The following HSD11B1 variants were observed in gnomAD, a reference collection of about 807,000 sequenced individuals.
HSD11B1 encodes hydroxysteroid 11-beta dehydrogenase 1.
In HSD11B1, 15 loss-of-function variants were observed where a neutral mutation model predicts 22.1. That is an observed-to-expected ratio of 0.68 (90% CI 0.45 to 1.04). HSD11B1 has a LOEUF of 1.04. Ranked by LOEUF, HSD11B1 falls within the 50% of genes least tolerant of loss-of-function variation. The pLI is 0.00. For synonymous variants in HSD11B1, 122 were observed against 125.2 expected, an observed-to-expected ratio of 0.97 and a Z score of 0.17; for missense variants, 281 against 357.6, an observed-to-expected ratio of 0.79 and a Z score of 1.73.
At chr1:209,705,966 T>C (rs1466649560) in intron 2 of HSD11B1, 25 bp downstream of exon 2, 8 of 1,613,426 alleles carry the variant, frequency 5.0e-6, no homozygotes, top group East Asian at 2.2e-5. Context: ...CTCGCAGATA[T>C]GTGTACCGTC....
At chr1:209,701,811 C>T (rs1220124385), upstream of HSD11B1, among the ~76,000 whole-genome samples, 1 of 152,172 alleles carries the variant, frequency 6.6e-6, no homozygotes, top group East Asian at 1.9e-4. Context: ...TATCAGTCTC[C>T]CCAGATCTGG....
intron 4 of HSD11B1, among the ~76,000 whole-genome samples, chr1:209,721,477 A>AAAG (rs1553291177): frequency 1.3e-5 from 2 of 151,518 alleles, no homozygotes; most frequent in South Asian, 4.2e-4. Flanking sequence ...AGCAAAAAAA[A>AAAG]AAAAAAAAAA....
chr1:209,689,191 G>A (rs1305984517), intron 1 of HSD11B1, among the ~76,000 whole-genome samples: 3 of 152,056 alleles, frequency 2.0e-5, no homozygotes, highest in African/African-American at 7.2e-5. Flanking sequence ...CATTTTACTG[G>A]CTCAGCTCCC....
chr1:209,734,588 C>T lies in HSD11B1; in HGVS notation c.*67C>T. The stretch of plus-strand genomic sequence containing the variant: ...GTTCTGTCTCATGTTTATCTGAGCT[C>T]TTATCTATGAAGACATCTTCCCAGA... On this transcript the variant is annotated 3_prime_UTR_variant, in exon 6 of 6. Transcript: ENST00000367027. 2 of 1,169,822 alleles carry T rather than the reference C, an allele frequency of 1.7e-6. No homozygotes were observed. The highest frequency in any genetic ancestry group is 2.5e-6 in the Non-Finnish European group (2 of 785,238). The allele number at this position is 1,169,822 out of a possible 1,614,324, so 72.5% of individuals were successfully genotyped here.
intron 1 of HSD11B1, among the ~76,000 whole-genome samples, chr1:209,693,374 C>T (rs73089407): frequency 0.054 from 8,172 of 152,268 alleles, 404 homozygotes; most frequent in African/African-American, 0.13. Flanking sequence ...ATTTAAGTTC[C>T]CACCTTCTTC....
chr1:209,727,588 G>T (rs2077011488), intron 4 of HSD11B1, among the ~76,000 whole-genome samples: 1 of 152,158 alleles, frequency 6.6e-6, no homozygotes, highest in African/African-American at 2.4e-5. Flanking sequence ...CTCATATAAA[G>T]AACAGTGCCT....
rs192767587 is a variant in HSD11B1 at position 209,690,640 on chromosome 1, G to T, written c.-49+4355G>T. Among the ~76,000 whole-genome samples the T allele has an allele frequency of 1.3e-3, 197 of 151,850 alleles. 1 individual carries two copies. Among genetic ancestry groups the T allele is most frequent in the African/African-American group, 4.2e-3 (173 of 41,442 alleles). On this transcript the variant is annotated intron_variant, in intron 1 of 6. Transcript: ENST00000261465. Reference sequence around the variant, plus strand: ...TGAACCCGGAAGGCAGAGGTTGCAGGGAGCCAAGATCGCGCCATTGCACTC... The same window carrying T: ...TGAACCCGGAAGGCAGAGGTTGCAGTGAGCCAAGATCGCGCCATTGCACTC...
intron 4 of HSD11B1, among the ~76,000 whole-genome samples, chr1:209,723,107 A>G (rs1165570094): frequency 6.6e-6 from 1 of 152,122 alleles, no homozygotes; most frequent in Non-Finnish European, 1.5e-5. Flanking sequence ...GTCTGCCTTC[A>G]TCCTTCTAAG....
At chr1:209,730,716 C>T (rs769398263) in intron 4 of HSD11B1, among the ~76,000 whole-genome samples, 2 of 152,108 alleles carry the variant, frequency 1.3e-5, no homozygotes, top group Admixed American at 6.5e-5. Context: ...AGTTAACCAC[C>T]TTTCTCAGCA....
At chr1:209,708,590 G>A (rs1376281522) in intron 4 of HSD11B1, among the ~76,000 whole-genome samples, 1 of 152,176 alleles carries the variant, frequency 6.6e-6, no homozygotes, top group African/African-American at 2.4e-5. Context: ...GGAGGGTGCT[G>A]GGCACATCCC....
In HSD11B1 at chr1:209,716,591, G is replaced by T. The variant is rs532580768; in HGVS notation, c.517+9463G>T. On this transcript the variant is annotated intron_variant, in intron 4 of 5. Coordinates refer to ENST00000367027, the MANE Select transcript of HSD11B1 (RefSeq NM_005525.4). ...AAAAAAAAAACCTAAAATTTGTAGG[G>T]ACGAAATAGCCAAAGCAATCCTAAG... 9.7e-4 allele frequency among the ~76,000 whole-genome samples: 147 copies of T among 151,790 alleles called. No individual in the cohort carries two copies. In the Middle Eastern group the frequency reaches 0.01, roughly 11 times the overall value.
intron 1 of HSD11B1, among the ~76,000 whole-genome samples, chr1:209,699,667 C>T (rs1364431889): frequency 6.6e-6 from 1 of 152,158 alleles, no homozygotes; most frequent in African/African-American, 2.4e-5. Flanking sequence ...CCAACAGTCC[C>T]CCAAAGTTTT....
At chr1:209,700,916 C>G (rs1165115741), upstream of HSD11B1, among the ~76,000 whole-genome samples, 6 of 152,224 alleles carry the variant, frequency 3.9e-5, no homozygotes, top group Admixed American at 3.9e-4. Flanking sequence ...CAGTTCCCAA[C>G]AAGTTCCTCA....
chr1:209,717,201 A>G (rs1409740911), intron 4 of HSD11B1, among the ~76,000 whole-genome samples: 2 of 152,208 alleles, frequency 1.3e-5, no homozygotes, highest in African/African-American at 4.8e-5. Context: ...AAATAACTCA[A>G]TAGGAAAAAA....
intron 1 of HSD11B1, among the ~76,000 whole-genome samples, chr1:209,695,653 C>CA (rs1449842282): frequency 6.6e-6 from 1 of 151,952 alleles, no homozygotes; most frequent in African/African-American, 2.4e-5. Context: ...AATAAAAATA[C>CA]AAAAATTAGC....
chr1:209,719,197 A>T (rs2076949811), intron 4 of HSD11B1, among the ~76,000 whole-genome samples: 1 of 152,118 alleles, frequency 6.6e-6, no homozygotes, highest in Non-Finnish European at 1.5e-5. Flanking sequence ...ACGTATATAC[A>T]ATGGAATATT....
At chr1:209,705,199 G>C (rs1289582013) in intron 1 of HSD11B1, among the ~76,000 whole-genome samples, 169 bp downstream of exon 1, 2 of 152,228 alleles carry the variant, frequency 1.3e-5, no homozygotes, top group East Asian at 1.9e-4. Context: ...TGTGGACAGG[G>C]GGGACTGTGT....
chr1:209,697,544 G>A (rs916217085), intron 1 of HSD11B1, among the ~76,000 whole-genome samples: 2 of 152,174 alleles, frequency 1.3e-5, no homozygotes, highest in Non-Finnish European at 2.9e-5. Flanking sequence ...CTAGGGCATG[G>A]AGAGCATTTC....
chr1:209,693,737 C>T (rs1291861428), intron 1 of HSD11B1, among the ~76,000 whole-genome samples: 16 of 152,210 alleles, frequency 1.1e-4, no homozygotes, highest in Admixed American at 1.0e-3. Flanking sequence ...GAAAGTTTAA[C>T]TCATTTCTAT....
Sources: allele counts gnomAD v4.1 joint callset (sites outside exome capture counted in the v4.1 genomes callset), GRCh38; gene constraint gnomAD v4.1.1; transcripts MANE v1.5; gene names NCBI Gene and HGNC (gene_info 2026-07-23, HGNC 2026-07-21).